The following SRPK2 variants were observed in gnomAD, a reference collection of about 807,000 sequenced individuals.
SRPK2 encodes the protein SRSF protein kinase 2, also known as SFRS protein kinase 2.
A neutral mutation model predicts 90.8 loss-of-function variants in SRPK2; 21 were observed. The observed-to-expected ratio is 0.23, with a 90% CI of 0.16 to 0.33. SRPK2 has a LOEUF of 0.33. Among genes scored for constraint, SRPK2 ranks in the 10% least tolerant of loss-of-function variants. SRPK2 has a pLI of 1.00. For synonymous variants in SRPK2, 288 were observed against 311.1 expected, an observed-to-expected ratio of 0.93 and a Z score of 0.78; for missense variants, 620 against 869.0, an observed-to-expected ratio of 0.71 and a Z score of 3.60.
intron 2 of SRPK2, among the ~76,000 whole-genome samples, chr7:105,247,531 A>AACACACACACACACATAAAC: frequency 6.9e-6 from 1 of 145,266 alleles, no homozygotes; most frequent in South Asian, 2.3e-4. Context: ...CACACACATA[A>AACACACACACACACATAAAC]ACACACACAC....
rs191378588 is a variant in SRPK2 at position 105,141,761 on chromosome 7, T to C, written c.1543+247A>G. ...GGAAGGTTTTTGCAAATGATGCTGC[T>C]GACTAAATATATTAAAAATGAAAAC... On this transcript the variant is annotated intron_variant, in intron 11 of 15. Coordinates refer to ENST00000393651, the MANE Select transcript of SRPK2 (RefSeq NM_182692.3). Among the ~76,000 whole-genome samples, 13 of 152,370 alleles carry C rather than the reference T, an allele frequency of 8.5e-5. No individual in the cohort carries two copies. In the East Asian group the frequency reaches 2.5e-3, roughly 29 times the overall value.
At position 105,388,695 on chromosome 7, in the gene SRPK2, G is replaced by A; in HGVS notation, c.24C>T (p.Ala8=). 5 of 1,586,424 alleles carry A rather than the reference G, an allele frequency of 3.2e-6. No individual in the cohort carries two copies. The highest frequency in any genetic ancestry group is 3.4e-6 in the Non-Finnish European group (4 of 1,165,842). MSSRKVL[A]IQARKRRPKR... ...TCGGCCTCCGCTTTCGGGCCTGAAT[G>A]GCCAGCACTGGGGAAGAGAAGACAC... The change falls in exon 2 of 16, where the codon GCC becomes GCT. Residue 8 remains alanine, a synonymous_variant. Coordinates refer to ENST00000393651, the MANE Select transcript of SRPK2 (RefSeq NM_182692.3).
At chr7:105,269,594 A>G (rs1805558222) in intron 2 of SRPK2, among the ~76,000 whole-genome samples, 2 of 152,224 alleles carry the variant, frequency 1.3e-5, no homozygotes, top group African/African-American at 4.8e-5. Flanking sequence ...GACAATAGAC[A>G]TCTACAACAG....
intron 2 of SRPK2, among the ~76,000 whole-genome samples, chr7:105,269,654 T>C (rs1805567966): frequency 6.6e-6 from 1 of 152,100 alleles, no homozygotes; most frequent in African/African-American, 2.4e-5. Context: ...CTGATACTGA[T>C]TTGGAAGGGA....
At chr7:105,233,063 C>T (rs112069076) in intron 2 of SRPK2, among the ~76,000 whole-genome samples, 2 of 116,976 alleles carry the variant, frequency 1.7e-5, no homozygotes, top group African/African-American at 7.0e-5. Flanking sequence ...AGGGAGGGAG[C>T]AAGGAAGGAA....
intron 2 of SRPK2, chr7:105,301,407 C>T (rs1810538911): frequency 4.6e-6 from 3 of 646,772 alleles, no homozygotes; most frequent in South Asian, 3.5e-5. Flanking sequence ...GACTGTGCCG[C>T]CCCCACAACC....
chr7:105,311,138 A>G (rs1250174794), intron 2 of SRPK2, among the ~76,000 whole-genome samples: 2 of 152,336 alleles, frequency 1.3e-5, no homozygotes, highest in East Asian at 3.9e-4. Context: ...ATATCTGCAC[A>G]TCATATATCT....
At chr7:105,195,300 C>T (rs1312539335) in intron 3 of SRPK2, among the ~76,000 whole-genome samples, 2 of 152,236 alleles carry the variant, frequency 1.3e-5, no homozygotes, top group African/African-American at 2.4e-5. Context: ...CTGCCCACCT[C>T]GGCCTCCCAA....
intron 2 of SRPK2, among the ~76,000 whole-genome samples, chr7:105,270,412 T>C (rs1410871651): frequency 7.4e-4 from 12 of 16,250 alleles, no homozygotes; most frequent in African/African-American, 2.7e-3. Context: ...CCTCTGCCCT[T>C]TTTTTTTTTT....
chr7:105,337,604 C>A (rs1815260340), intron 2 of SRPK2, among the ~76,000 whole-genome samples: 1 of 151,968 alleles, frequency 6.6e-6, no homozygotes, highest in Non-Finnish European at 1.5e-5. Flanking sequence ...CATGAGCCAC[C>A]ACCACTGGCC....
In SRPK2 at chr7:105,170,598, G is replaced by A. The variant is rs1420462662; in HGVS notation, c.230-1333C>T. Among the ~76,000 whole-genome samples, 4 of 150,704 alleles carry A rather than the reference G, an allele frequency of 2.7e-5. No homozygotes were observed. The East Asian group carries it at 7.8e-4, about 29-fold the overall frequency. ...AATCCCAGCTACTCGGGAGGCTGATGAAGAAGAATTGCTTGAACCCAGGAA... is the reference window on the plus strand; with the variant it reads ...AATCCCAGCTACTCGGGAGGCTGATAAAGAAGAATTGCTTGAACCCAGGAA... On this transcript the variant is annotated intron_variant, in intron 3 of 15. Coordinates refer to ENST00000393651, the MANE Select transcript of SRPK2 (RefSeq NM_182692.3).
At chr7:105,156,897 T>A (rs1462818642) in intron 7 of SRPK2, among the ~76,000 whole-genome samples, 2 of 152,172 alleles carry the variant, frequency 1.3e-5, no homozygotes, top group Non-Finnish European at 2.9e-5. Context: ...ATGTAGGGTA[T>A]ATTTGATGCC....
chr7:105,124,660 T>G (rs1289318228), intron 15 of SRPK2, among the ~76,000 whole-genome samples: 3 of 36,788 alleles, frequency 8.2e-5, no homozygotes, highest in Non-Finnish European at 2.3e-4. Context: ...AAAAAAAAAA[T>G]CAATGTGGTT....
intron 2 of SRPK2, among the ~76,000 whole-genome samples, chr7:105,343,592 A>G (rs1816085091): frequency 6.6e-6 from 1 of 152,206 alleles, no homozygotes; most frequent in Non-Finnish European, 1.5e-5. Context: ...ATTAGCAAAG[A>G]ACCCTTGTTC....
chr7:105,280,047 T>C (rs75275521), intron 2 of SRPK2, among the ~76,000 whole-genome samples: 1 of 152,174 alleles, frequency 6.6e-6, no homozygotes, highest in Non-Finnish European at 1.5e-5. Flanking sequence ...TTTATAATCT[T>C]AAGAGACAGT....
chr7:105,262,526 A>G (rs1345836958), intron 2 of SRPK2, among the ~76,000 whole-genome samples: 1 of 152,188 alleles, frequency 6.6e-6, no homozygotes, highest in Non-Finnish European at 1.5e-5. Context: ...ATTTTACATG[A>G]TAACTTCCTA....
chr7:105,120,561 C>G (rs1181645074), intron 15 of SRPK2, among the ~76,000 whole-genome samples: 1 of 151,858 alleles, frequency 6.6e-6, no homozygotes, highest in Admixed American at 6.6e-5. Flanking sequence ...AAGAAGCAGT[C>G]TATAAACAAC....
chr7:105,156,888 T>A (rs7787448), intron 7 of SRPK2, among the ~76,000 whole-genome samples: 126,389 of 152,092 alleles, frequency 0.83, 53,162 homozygotes, highest in Non-Finnish European at 0.88. Context: ...CTTTGGTGAA[T>A]GTAGGGTATA....
At chr7:105,178,066 C>T (rs1411464290) in intron 3 of SRPK2, among the ~76,000 whole-genome samples, 1 of 151,686 alleles carries the variant, frequency 6.6e-6, no homozygotes, top group African/African-American at 2.4e-5. Context: ...ACACATTCTT[C>T]CTAAGATTTG....
Sources: allele counts gnomAD v4.1 joint callset (sites outside exome capture counted in the v4.1 genomes callset), GRCh38; gene constraint gnomAD v4.1.1; transcripts MANE v1.5; gene names NCBI Gene and HGNC (gene_info 2026-07-23, HGNC 2026-07-21).